The following PRR23E variants were observed in gnomAD, a reference collection of about 807,000 sequenced individuals.
PRR23E encodes PRR23 family member E.
chr3:127,196,870 A>G, the PRR23E span: 3 of 1,598,452 alleles, frequency 1.9e-6, no homozygotes, highest in Non-Finnish European at 2.5e-6. Context: ...CCTGTCATCT[A>G]CTCCTGCATG....
At chr3:127,197,033 A>C in the PRR23E span, 4 of 1,595,738 alleles carry the variant, frequency 2.5e-6, no homozygotes, top group Non-Finnish European at 3.4e-6. Flanking sequence ...CCCTCATAGG[A>C]AGTCCGTATC....
chr3:127,198,129 TA>T, the PRR23E span: 1 of 152,232 alleles, frequency 6.6e-6, no homozygotes, highest in Non-Finnish European at 1.5e-5. Context: ...CACACACCAG[TA>T]AAATGTACAG....
chr3:127,193,463 G>T, the PRR23E span, among the ~76,000 whole-genome samples: 1 of 151,894 alleles, frequency 6.6e-6, no homozygotes, highest in Non-Finnish European at 1.5e-5. Flanking sequence ...TGTCCGCGTC[G>T]CACCCCACCC....
the PRR23E span, among the ~76,000 whole-genome samples, chr3:127,196,097 G>T: frequency 6.6e-6 from 1 of 152,160 alleles, no homozygotes; most frequent in Non-Finnish European, 1.5e-5. Context: ...GCATCCTTTG[G>T]AGGAAATGTT....
At chr3:127,197,389 C>A in the PRR23E span, 2 of 1,558,094 alleles carry the variant, frequency 1.3e-6, no homozygotes, top group Non-Finnish European at 8.6e-7. Flanking sequence ...CCCTGCAGGG[C>A]CCGCCGCCGC....
the PRR23E span, chr3:127,196,949 G>A: frequency 1.6e-5 from 26 of 1,599,436 alleles, no homozygotes; most frequent in African/African-American, 2.5e-4. Flanking sequence ...GGTATCTCTG[G>A]ATGGGTTATC....
chr3:127,196,688 G>T, the PRR23E span: 1 of 1,587,744 alleles, frequency 6.3e-7, no homozygotes, highest in Non-Finnish European at 8.5e-7. Flanking sequence ...CATCTAAGAT[G>T]GGCACAGGTG....
the PRR23E span, chr3:127,196,826 G>A: frequency 1.3e-6 from 2 of 1,598,686 alleles, no homozygotes; most frequent in African/African-American, 2.7e-5. Flanking sequence ...GTACCTGCTT[G>A]GGAGCCCAGC....
chr3:127,197,001 A>T, the PRR23E span: 1 of 1,598,134 alleles, frequency 6.3e-7, no homozygotes. Flanking sequence ...GCTGTATTGG[A>T]GGGGCGCCTC....
chr3:127,194,660 G>A, the PRR23E span, among the ~76,000 whole-genome samples: 1 of 152,204 alleles, frequency 6.6e-6, no homozygotes, highest in Admixed American at 6.5e-5. Flanking sequence ...TGCAGTCTGG[G>A]GCCAGGGTGT....
chr3:127,193,768 C>T, the PRR23E span, among the ~76,000 whole-genome samples: 1 of 152,198 alleles, frequency 6.6e-6, no homozygotes, highest in Admixed American at 6.5e-5. Flanking sequence ...GCATGTTTTT[C>T]TCCATATCCT....
At chr3:127,197,239 C>T in the PRR23E span, 2 of 1,599,002 alleles carry the variant, frequency 1.3e-6, no homozygotes, top group Non-Finnish European at 1.7e-6. Flanking sequence ...ACATGCAAAG[C>T]CCCTCCCTCA....
At chr3:127,195,342 C>T in the PRR23E span, among the ~76,000 whole-genome samples, 1 of 152,156 alleles carries the variant, frequency 6.6e-6, no homozygotes, top group Admixed American at 6.5e-5. Flanking sequence ...AGAGAGGCTC[C>T]TGAAACACAA....
the PRR23E span, chr3:127,196,449 G>A: frequency 1.7e-6 from 1 of 596,536 alleles, no homozygotes; most frequent in Non-Finnish European, 2.8e-6. Flanking sequence ...TCCTACCCAG[G>A]ACACCTTGCT....
chr3:127,197,095 C>T, the PRR23E span: 4 of 1,598,362 alleles, frequency 2.5e-6, no homozygotes, highest in Non-Finnish European at 3.4e-6. Context: ...TTCCCACCCA[C>T]CTACTCCTTG....
At chr3:127,193,701 G>T in the PRR23E span, among the ~76,000 whole-genome samples, 2 of 152,150 alleles carry the variant, frequency 1.3e-5, no homozygotes, top group Admixed American at 6.5e-5. Context: ...AGGAAATCGG[G>T]TTTTGAATTT....
the PRR23E span, chr3:127,196,786 G>T: frequency 6.3e-7 from 1 of 1,597,576 alleles, no homozygotes; most frequent in Non-Finnish European, 8.5e-7. Context: ...TCAACCCCCT[G>T]GGTGGCCATG....
At chr3:127,195,329 T>C in the PRR23E span, among the ~76,000 whole-genome samples, 1 of 152,116 alleles carries the variant, frequency 6.6e-6, no homozygotes, top group East Asian at 1.9e-4. Flanking sequence ...CACCCTCTGA[T>C]CTAGAGAGGC....
At chr3:127,194,930 C>G in the PRR23E span, among the ~76,000 whole-genome samples, 1 of 152,242 alleles carries the variant, frequency 6.6e-6, no homozygotes, top group African/African-American at 2.4e-5. Context: ...TTCAGCCACA[C>G]AGGGCCCTCT....
Sources: gnomAD v4.1 joint callset for allele counts (sites outside exome capture counted in the v4.1 genomes callset) on GRCh38, gnomAD v4.1.1 for gene constraint, MANE v1.5 for transcripts, NCBI Gene and HGNC (gene_info 2026-07-23, HGNC 2026-07-21) for gene names.